Variants in PPA1 observed in about 807,000 individuals in gnomAD.
PPA1 encodes the protein inorganic pyrophosphatase 1, also known as inorganic pyrophosphatase.
In PPA1, 23 loss-of-function variants were observed where a neutral mutation model predicts 41.8. The observed-to-expected ratio is 0.55, with a 90% CI of 0.40 to 0.78. PPA1 has a LOEUF of 0.78. Among genes scored for constraint, PPA1 ranks in the 30% least tolerant of loss-of-function variants. The probability of loss-of-function intolerance (pLI) is 0.00; values close to 1 mark genes in which losing one functional copy is unlikely to be tolerated. For synonymous variants in PPA1, 101 were observed against 116.8 expected, an observed-to-expected ratio of 0.86 and a Z score of 0.87; for missense variants, 320 against 361.6, an observed-to-expected ratio of 0.89 and a Z score of 0.93.
intron 6 of PPA1, chr10:70,210,421 T>C (rs747231416): frequency 1.5e-6 from 2 of 1,364,284 alleles, no homozygotes; most frequent in South Asian, 1.1e-5. Context: ...TATTACATAC[T>C]AAAAGATAAG....
chr10:70,209,544 G>T lies in PPA1; in HGVS notation c.639+14C>A. The stretch of plus-strand genomic sequence containing the variant: ...CAAATGAGCCTAAAGCTACAGTTCT[G>T]AATGACATATTACCTTATCTTTAAA... On this transcript the variant is annotated intron_variant, in intron 7 of 10. Coordinates refer to ENST00000373232, the MANE Select transcript of PPA1 (RefSeq NM_021129.4). 6.3e-7 allele frequency: 1 copy of T among 1,587,812 alleles called. No individual in the cohort carries two copies. The highest frequency in any genetic ancestry group is 1.2e-5 in the South Asian group (1 of 85,868).
chr10:70,218,676 G>T (rs1354357713), intron 3 of PPA1, 88 bp downstream of exon 3: 6 of 1,048,704 alleles, frequency 5.7e-6, no homozygotes, highest in African/African-American at 4.8e-5. Flanking sequence ...AAACCTTGAC[G>T]TTCAGATGGT....
chr10:70,232,854 G>GC (rs370534712), intron 1 of PPA1, among the ~76,000 whole-genome samples: 8,018 of 150,852 alleles, frequency 0.053, 454 homozygotes, highest in African/African-American at 0.15. Flanking sequence ...GGAAGTCACT[G>GC]CCCCCCCCGG....
chr10:70,223,307 T>C (rs926321860), intron 2 of PPA1, among the ~76,000 whole-genome samples: 1 of 152,036 alleles, frequency 6.6e-6, no homozygotes, highest in African/African-American at 2.4e-5. Flanking sequence ...CTCCAACTCC[T>C]GGTCTCAAGC....
intron 1 of PPA1, 30 bp from the exon 2 acceptor site, chr10:70,230,429 T>C (rs754462068): frequency 6.4e-6 from 10 of 1,568,362 alleles, no homozygotes; most frequent in African/African-American, 4.1e-5. Flanking sequence ...AAGTTATTAC[T>C]ATAATTAATT....
Position 70,203,116 on chromosome 10 carries a change from C to T in PPA1, c.*39G>A, listed in dbSNP as rs200724078. On this transcript the variant is annotated 3_prime_UTR_variant, in exon 11 of 11. Coordinates refer to ENST00000373232, the MANE Select transcript of PPA1 (RefSeq NM_021129.4). The stretch of plus-strand genomic sequence containing the variant: ...TACTTCTAATACATCCAGATGAACA[C>T]GATGTAGCAATATCAGCTTGTATTC... 255 of 1,573,988 alleles carry T rather than the reference C, an allele frequency of 1.6e-4. No homozygotes were observed. The highest frequency in any genetic ancestry group is 2.1e-4 in the Non-Finnish European group (242 of 1,146,212).
intron 2 of PPA1, among the ~76,000 whole-genome samples, chr10:70,220,903 T>TTA (rs1554830579): frequency 1.7e-4 from 1 of 5,998 alleles, no homozygotes; most frequent in Non-Finnish European, 2.5e-4. Context: ...TATATATAAT[T>TTA]TATATATAAT....
intron 2 of PPA1, among the ~76,000 whole-genome samples, chr10:70,227,526 C>T (rs912493930): frequency 2.6e-5 from 4 of 151,934 alleles, no homozygotes; most frequent in African/African-American, 9.7e-5. Context: ...TGGTGTATGC[C>T]TGTGGTTCCA....
chr10:70,217,919 C>T lies in PPA1; in HGVS notation c.190G>A (p.Asp64Asn). The T allele has an allele frequency of 6.4e-7, 1 of 1,560,710 alleles. No individual in the cohort carries two copies. The highest frequency in any genetic ancestry group is 8.7e-7 in the Non-Finnish European group (1 of 1,151,830). ...TCTTGTTTAATAGGGTTTAAAGGGTCCTTTGTAGCAATCTGAAATAAGAAA... is the reference window on the plus strand; with the variant it reads ...TCTTGTTTAATAGGGTTTAAAGGGTTCTTTGTAGCAATCTGAAATAAGAAA... ...SNAKMEIATK[D>N]PLNPIKQDVK... Residue 64 changes from aspartate to asparagine, a missense_variant, in exon 4 of 11, where the codon GAC becomes AAC. Coordinates refer to ENST00000373232, the MANE Select transcript of PPA1 (RefSeq NM_021129.4).
At chr10:70,214,641 T>G in intron 4 of PPA1, 55 bp from the exon 5 acceptor site, 1 of 1,394,220 alleles carries the variant, frequency 7.2e-7, no homozygotes, top group East Asian at 2.3e-5. Flanking sequence ...AAATGGATCA[T>G]GTTGAGAATA....
At chr10:70,211,895 C>T (rs112476297) in intron 6 of PPA1, among the ~76,000 whole-genome samples, 1,866 of 152,288 alleles carry the variant, frequency 0.012, 36 homozygotes, top group African/African-American at 0.042. Flanking sequence ...AAAATTGAAA[C>T]GAAACATTAA....
In PPA1 at chr10:70,217,829, A is replaced by T. The variant is rs765395475; in HGVS notation, c.280T>A (p.Tyr94Asn). 6.3e-7 allele frequency: 1 copy of T among 1,581,310 alleles called. No individual in the cohort carries two copies. The highest frequency in any genetic ancestry group is 1.3e-5 in the African/African-American group (1 of 74,260). ...AGACATACCTGAGGGATGGCACCAT[A>T]GTTCCAGATATATCCTTTATACGGG... ...LFPYKGYIWN[Y>N]GAIPQTWEDP... is the part of the protein sequence containing the mutation. Residue 94 changes from tyrosine to asparagine, a missense_variant, in exon 4 of 11, where the codon TAT becomes AAT. Tyr to Asn is a moderately radical substitution (Grantham distance 143). Transcript: ENST00000373232.
intron 6 of PPA1, among the ~76,000 whole-genome samples, chr10:70,211,959 ACATCACAT>A (rs976099547): frequency 2.0e-5 from 3 of 152,342 alleles, no homozygotes; most frequent in Admixed American, 2.0e-4. Context: ...ATGCAAATAT[ACATCACAT>A]CATTTTGAGG....
intron 2 of PPA1, among the ~76,000 whole-genome samples, chr10:70,222,335 C>CAAAAA (rs67974203): frequency 1.2e-4 from 9 of 73,158 alleles, no homozygotes; most frequent in East Asian, 9.1e-4. Flanking sequence ...GACTCCGTCT[C>CAAAAA]AAAAAAAAAA....
rs149721950 is a variant in PPA1 at position 70,216,636 on chromosome 10, G to A, written c.297+1176C>T. ...GTTTCATAGTACGTTCCATTTAACA[G>A]ACTTCATTGTTAATAAAAACAAACC... On this transcript the variant is annotated intron_variant, in intron 4 of 10. Coordinates refer to ENST00000373232, the MANE Select transcript of PPA1 (RefSeq NM_021129.4). Among the ~76,000 whole-genome samples the A allele has an allele frequency of 3.7e-3, 561 of 152,170 alleles. 8 individuals carry two copies. The highest frequency in any genetic ancestry group is 0.033 in the Admixed American group (510 of 15,262).
intron 2 of PPA1, among the ~76,000 whole-genome samples, 193 bp downstream of exon 2, chr10:70,230,148 C>T (rs770463751): frequency 2.0e-5 from 3 of 152,108 alleles, no homozygotes; most frequent in Non-Finnish European, 4.4e-5. Context: ...GACTCAAGCC[C>T]TCCACCCGCC....
intron 1 of PPA1, among the ~76,000 whole-genome samples, chr10:70,231,324 T>C (rs1294139490): frequency 1.3e-5 from 2 of 152,182 alleles, no homozygotes; most frequent in East Asian, 1.9e-4. Context: ...CCCAGCACTT[T>C]GGAAGGCCAA....
Position 70,213,446 on chromosome 10 carries a change from T to A in PPA1, c.511+17A>T. ...TGAATTAATTAGAAAGACTTCAGAC[T>A]TTTCAAATTTTCTTACCATTATAAT... On this transcript the variant is annotated intron_variant, in intron 6 of 10. Coordinates refer to ENST00000373232, the MANE Select transcript of PPA1 (RefSeq NM_021129.4). The A allele has an allele frequency of 6.2e-7, 1 of 1,613,364 alleles. No homozygotes were observed. The highest frequency in any genetic ancestry group is 2.2e-5 in the East Asian group (1 of 44,858).
intron 3 of PPA1, 29 bp downstream of exon 3, chr10:70,218,735 T>C: frequency 6.4e-7 from 1 of 1,563,354 alleles, no homozygotes; most frequent in Non-Finnish European, 8.8e-7. Context: ...ATATCCTAAG[T>C]CTGACTCAAA....
Sources: allele counts gnomAD v4.1 joint callset (sites outside exome capture counted in the v4.1 genomes callset), GRCh38; gene constraint gnomAD v4.1.1; transcripts MANE v1.5; gene names NCBI Gene and HGNC (gene_info 2026-07-23, HGNC 2026-07-21).